The following GRIA4 variants were observed in gnomAD, a reference collection of about 807,000 sequenced individuals.
The protein encoded by GRIA4 is glutamate ionotropic receptor AMPA type subunit 4, also known as glutamate receptor 4.
GRIA4 carries 34 observed loss-of-function variants against 104.0 expected under a neutral mutation model. The observed-to-expected ratio is 0.33, with a 90% confidence interval of 0.25 to 0.44. The LOEUF (loss-of-function observed/expected upper bound fraction) is 0.44. Among genes scored for constraint, GRIA4 ranks in the 20% least tolerant of loss-of-function variants. GRIA4 has a pLI of 1.00. For missense variants in GRIA4, 750 were observed against 1,096.5 expected, an observed-to-expected ratio of 0.68 and a Z score of 4.46; for synonymous variants, 386 against 381.9, an observed-to-expected ratio of 1.01 and a Z score of -0.13.
intron 3 of GRIA4, among the ~76,000 whole-genome samples, chr11:105,652,936 C>G (rs1951724629): frequency 6.7e-6 from 1 of 148,818 alleles, no homozygotes; most frequent in South Asian, 2.1e-4. Flanking sequence ...GACACAGAGT[C>G]TGGCTCTGTC....
At chr11:105,845,805 G>T (rs925399681) in intron 4 of GRIA4, among the ~76,000 whole-genome samples, 4 of 152,088 alleles carry the variant, frequency 2.6e-5, no homozygotes. Context: ...CCTCAGGAAT[G>T]ACGTGAACCC....
chr11:105,617,787 C>CTT (rs1950637823), intron 3 of GRIA4, among the ~76,000 whole-genome samples: 1 of 152,030 alleles, frequency 6.6e-6, no homozygotes, highest in Admixed American at 6.6e-5. Context: ...AACACAAAAA[C>CTT]TTATAAGAGT....
intron 4 of GRIA4, among the ~76,000 whole-genome samples, chr11:105,760,267 A>G (rs1377937706): frequency 1.3e-5 from 2 of 152,084 alleles, no homozygotes; most frequent in Non-Finnish European, 2.9e-5. Flanking sequence ...CTAACCAATC[A>G]TTAATCCTGC....
intron 4 of GRIA4, among the ~76,000 whole-genome samples, chr11:105,833,306 C>T (rs965882403): frequency 3.0e-4 from 45 of 151,934 alleles, no homozygotes; most frequent in African/African-American, 9.7e-4. Context: ...CTCTCTCATA[C>T]GTACACATGT....
intron 10 of GRIA4, chr11:105,911,832 C>G (rs754556356): frequency 2.3e-6 from 2 of 880,716 alleles, no homozygotes; most frequent in Non-Finnish European, 3.1e-6. Flanking sequence ...AAAAAAGACA[C>G]AGTAATGGAA....
intron 3 of GRIA4, among the ~76,000 whole-genome samples, chr11:105,722,192 C>T (rs751921004): frequency 1.3e-5 from 2 of 152,006 alleles, no homozygotes; most frequent in Non-Finnish European, 2.9e-5. Flanking sequence ...ACAGACAGTC[C>T]CTGACTTTTT....
chr11:105,964,515 T>C (rs557871279), intron 14 of GRIA4, among the ~76,000 whole-genome samples: 1 of 152,336 alleles, frequency 6.6e-6, no homozygotes, highest in African/African-American at 2.4e-5. Context: ...TGCTTGCAAA[T>C]CAATTATTCA....
At chr11:105,956,364 T>A (rs1415117061) in intron 14 of GRIA4, among the ~76,000 whole-genome samples, 1 of 152,146 alleles carries the variant, frequency 6.6e-6, no homozygotes, top group African/African-American at 2.4e-5. Flanking sequence ...TGGTGTTTGG[T>A]TTTCTGTCCT....
chr11:105,910,227 T>C (rs751913375), intron 9 of GRIA4, among the ~76,000 whole-genome samples: 1 of 152,072 alleles, frequency 6.6e-6, no homozygotes, highest in Non-Finnish European at 1.5e-5. Flanking sequence ...TTGCCAAACA[T>C]GTAACAAGAC....
In GRIA4 at chr11:105,874,637, C is replaced by T. The variant is rs138835106; in HGVS notation, c.672+12429C>T. Among the ~76,000 whole-genome samples the T allele has an allele frequency of 1.7e-3, 265 of 152,136 alleles. 2 individuals carry two copies. The East Asian group carries it at 0.038, about 22-fold the overall frequency. ...TCTCCTTGAAGAGGTCCTTCATATC[C>T]CTTGCAAGTTGGATTCCTAGGTATT... is the stretch of plus-strand genomic sequence containing the variant. On this transcript the variant is annotated intron_variant, in intron 5 of 16. Transcript: ENST00000282499.
chr11:105,632,082 A>G (rs1951048537), intron 3 of GRIA4, among the ~76,000 whole-genome samples: 2 of 152,218 alleles, frequency 1.3e-5, no homozygotes, highest in African/African-American at 2.4e-5. Flanking sequence ...AGCAAATAAA[A>G]TAAAAGTTTG....
At chr11:105,966,059 AAGGTT>A in intron 14 of GRIA4, 1 of 1,597,224 alleles carries the variant, frequency 6.3e-7, no homozygotes. Flanking sequence ...AGGTGACTCC[AAGGTT>A]AGCCTCAATG....
Position 105,627,818 on chromosome 11 carries a change from C to A in GRIA4, c.247+15384C>A, listed in dbSNP as rs956405786. ...ATAATATGCATAGAGGCAATAAAAT[C>A]TCCCTACAGATTAATATAGATGCCG... On this transcript the variant is annotated intron_variant, in intron 3 of 16. Transcript: ENST00000282499. 7.3e-4 allele frequency among the ~76,000 whole-genome samples: 111 copies of A among 152,144 alleles called. 1 individual carries two copies. Among genetic ancestry groups the A allele is most frequent in the Non-Finnish European group, 2.6e-4 (18 of 68,030 alleles).
chr11:105,628,941 A>T (rs150601266), intron 3 of GRIA4, among the ~76,000 whole-genome samples: 5 of 152,242 alleles, frequency 3.3e-5, no homozygotes, highest in Middle Eastern at 3.4e-3. Context: ...AAACGCCATC[A>T]TCTCAGCCCA....
intron 3 of GRIA4, among the ~76,000 whole-genome samples, chr11:105,688,156 C>CTATATCTCTATCTA (rs373564678): frequency 0.031 from 2,202 of 71,942 alleles, 32 homozygotes; most frequent in Non-Finnish European, 0.038. Context: ...ATATCTATAT[C>CTATATCTCTATCTA]TCTATCTATC....
At chr11:105,712,604 T>G (rs189981086) in intron 3 of GRIA4, among the ~76,000 whole-genome samples, 3 of 152,276 alleles carry the variant, frequency 2.0e-5, no homozygotes, top group African/African-American at 7.2e-5. Flanking sequence ...TCCTATTTTT[T>G]GTGCATAATT....
intron 4 of GRIA4, among the ~76,000 whole-genome samples, chr11:105,827,707 T>C (rs921771988): frequency 2.0e-5 from 3 of 152,044 alleles, no homozygotes; most frequent in Non-Finnish European, 4.4e-5. Context: ...CTGATTATTT[T>C]ATGATTTCAT....
rs540955539 is a variant in GRIA4 at position 105,898,059 on chromosome 11, G to A, written c.727-210G>A. Among the ~76,000 whole-genome samples, 3 of 152,174 alleles carry A rather than the reference G, an allele frequency of 2.0e-5. No individual in the cohort carries two copies. The South Asian group carries it at 6.2e-4, about 32-fold the overall frequency. ...TGAACTGAAATAAAAACATATCTTT[G>A]TCTCATGTATTGGATTTTGAATTAC... On this transcript the variant is annotated intron_variant, in intron 6 of 16. Transcript: ENST00000282499.
intron 4 of GRIA4, among the ~76,000 whole-genome samples, chr11:105,794,966 C>T (rs1375309950): frequency 6.6e-6 from 1 of 151,998 alleles, no homozygotes; most frequent in African/African-American, 2.4e-5. Context: ...CATTTTTACT[C>T]ATAATGATTT....
Sources: gnomAD v4.1 joint callset for allele counts (sites outside exome capture counted in the v4.1 genomes callset) on GRCh38, gnomAD v4.1.1 for gene constraint, MANE v1.5 for transcripts, NCBI Gene and HGNC (gene_info 2026-07-23, HGNC 2026-07-21) for gene names.